EDDM3B: variants seen among roughly 807,000 people sequenced by gnomAD.
EDDM3B encodes the protein epididymal protein 3B.
For synonymous variants in EDDM3B, 71 were observed against 59.1 expected, an observed-to-expected ratio of 1.20 and a Z score of -0.92; for missense variants, 189 against 178.3, an observed-to-expected ratio of 1.06 and a Z score of -0.34.
chr14:20,770,699 G>GGAAAACATTGACAAA lies in EDDM3B; in HGVS notation c.*105_*106insGAAAACATTGACAAA. ...TACCACTCCCCTCTTGCATTTATTT[G>GGAAAACATTGACAAA]TCAATGTTTTCCAAATACTTAGAGT... is the stretch of plus-strand genomic sequence containing the variant. On this transcript the variant is annotated 3_prime_UTR_variant, in exon 2 of 2. Transcript: ENST00000326783. 2 of 910,026 alleles carry GGAAAACATTGACAAA rather than the reference G, an allele frequency of 2.2e-6. No individual in the cohort carries two copies. The highest frequency in any genetic ancestry group is 1.7e-6 in the Non-Finnish European group (1 of 601,552). The allele number at this position is 910,026 out of a possible 1,614,324, so 56.4% of individuals were successfully genotyped here. A position where few individuals can be genotyped will look rare whatever the true frequency, so the allele number is the denominator to read the frequency against.
rs1218355584 is a variant in EDDM3B, at chr14:20,770,473, A to G, written c.323A>G (p.Glu108Gly). 1 of 1,614,236 alleles carries G rather than the reference A, an allele frequency of 6.2e-7. No individual in the cohort carries two copies. Among genetic ancestry groups the G allele is most frequent in the South Asian group, 1.1e-5 (1 of 91,090 alleles). Residue 108 changes from glutamate to glycine, a missense_variant, in exon 2 of 2, where the codon GAG becomes GGG. Glu to Gly is a moderately conservative substitution (Grantham distance 98). Coordinates refer to ENST00000326783, the MANE Select transcript of EDDM3B (RefSeq NM_022360.5). Reference sequence around the variant, plus strand: ...CTCAAAGTACTCAAGTGTCACCAGGAGAATTCCAAAAATAGCTACACAGAG... The same window carrying G: ...CTCAAAGTACTCAAGTGTCACCAGGGGAATTCCAAAAATAGCTACACAGAG... The part of the protein sequence containing the change: ...NPLKVLKCHQ[E>G]NSKNSYTESR...
At position 20,770,914 on chromosome 14, in the gene EDDM3B, A is replaced by T; in HGVS notation, c.*320A>T. On this transcript the variant is annotated 3_prime_UTR_variant, in exon 2 of 2. Coordinates refer to ENST00000326783, the MANE Select transcript of EDDM3B (RefSeq NM_022360.5). Reference sequence around the variant, plus strand: ...TCTTGATACATACCCAAGCTGAACAATCTTCCCTTCCCTAAATAAATTATA... The same window carrying T: ...TCTTGATACATACCCAAGCTGAACATTCTTCCCTTCCCTAAATAAATTATA... 2 of 280,584 alleles carry T rather than the reference A, an allele frequency of 7.1e-6. No homozygotes were observed. Among genetic ancestry groups the T allele is most frequent in the Non-Finnish European group, 1.4e-5 (2 of 138,946 alleles). 17.4% of individuals were successfully genotyped at this position (280,584 alleles called of 1,614,324 possible).
In EDDM3B at chr14:20,769,674, G is replaced by A. The variant is rs58984932; in HGVS notation, c.-18-459G>A. Among the ~76,000 whole-genome samples, 1,181 of 152,274 alleles carry A rather than the reference G, an allele frequency of 7.8e-3. 13 individuals carry two copies. Among genetic ancestry groups the A allele is most frequent in the African/African-American group, 0.026 (1,084 of 41,556 alleles). On this transcript the variant is annotated intron_variant, in intron 1 of 1. Transcript: ENST00000326783. ...TAGGCTGTCATTTTAGCGAATCGAA[G>A]CCTTCCTACCTAGGAACCACTTCCC... is the stretch of plus-strand genomic sequence containing the variant.
Position 20,770,322 on chromosome 14 carries a change from G to T in EDDM3B, c.172G>T (p.Glu58Ter). 1 of 1,614,178 alleles carries T rather than the reference G, an allele frequency of 6.2e-7. No homozygotes were observed. Among genetic ancestry groups the T allele is most frequent in the Middle Eastern group, 1.6e-4 (1 of 6,062 alleles). ...ATGTGATGTCCTCATGAGAGAAAAT[G>T]AAGCTCTGAAAGACAAGAGCTCTCA... is the stretch of plus-strand genomic sequence containing the variant. ...YKCDVLMREN[E>*]ALKDKSSHMF... Residue 58 changes from glutamate to a stop codon, truncating the protein, a stop_gained, in exon 2 of 2, where the codon GAA becomes TAA. Coordinates refer to ENST00000326783, the MANE Select transcript of EDDM3B (RefSeq NM_022360.5). LOFTEE classifies it low-confidence loss of function (END_TRUNC).
At position 20,770,530 on chromosome 14, in the gene EDDM3B, G is replaced by A. The variant is rs1050024543; in HGVS notation, c.380G>A (p.Cys127Tyr). The A allele has an allele frequency of 5.6e-6, 9 of 1,614,080 alleles. No homozygotes were observed. Among genetic ancestry groups the A allele is most frequent in the Non-Finnish European group, 7.6e-6 (9 of 1,180,014 alleles). ...SRSFNYIEFH[C>Y]SMDGYVDSIE... The stretch of plus-strand genomic sequence containing the variant: ...AGCTTCAACTACATTGAATTCCATT[G>A]TAGCATGGACGGGTATGTTGATAGC... Residue 127 changes from cysteine (C) to tyrosine (Y), a missense_variant, in exon 2 of 2, where the codon TGT becomes TAT. Cys to Tyr is a radical substitution (Grantham distance 194). Transcript: ENST00000326783.
intron 1 of EDDM3B, among the ~76,000 whole-genome samples, chr14:20,769,533 G>A (rs189834297): frequency 1.3e-5 from 2 of 152,318 alleles, no homozygotes; most frequent in Non-Finnish European, 2.9e-5. Flanking sequence ...AGGAATATGG[G>A]TAGTTAGTAA....
In EDDM3B at chr14:20,770,260, A is replaced by G. The variant is rs888465810; in HGVS notation, c.110A>G (p.His37Arg). 6 of 1,614,232 alleles carry G rather than the reference A, an allele frequency of 3.7e-6. No individual in the cohort carries two copies. The African/African-American group carries it at 8.0e-5, about 22-fold the overall frequency. The change falls in exon 2 of 2, where the codon CAC becomes CGC. Residue 37 changes from histidine (H) to arginine (R), a missense_variant. Coordinates refer to ENST00000326783, the MANE Select transcript of EDDM3B (RefSeq NM_022360.5). ...TCTTGGAGAGAATTCATGAAACAGC[A>G]CTACTTAAGTCCAAGTCGAGAATTC... ...EVSWREFMKQHYLSPSREFRE... is the reference protein window; with the variant it reads ...EVSWREFMKQRYLSPSREFRE...
chr14:20,770,710 C>A lies in EDDM3B; in HGVS notation c.*116C>A. 2 of 828,986 alleles carry A rather than the reference C, an allele frequency of 2.4e-6. No individual in the cohort carries two copies. The highest frequency in any genetic ancestry group is 3.8e-6 in the Non-Finnish European group (2 of 531,008). The allele number at this position is 828,986 out of a possible 1,614,324, so 51.4% of individuals were successfully genotyped here. On this transcript the variant is annotated 3_prime_UTR_variant, in exon 2 of 2. Coordinates refer to ENST00000326783, the MANE Select transcript of EDDM3B (RefSeq NM_022360.5). ...TCTTGCATTTATTTGTCAATGTTTTCCAAATACTTAGAGTTATGAATAGCA... is the reference window on the plus strand; with the variant it reads ...TCTTGCATTTATTTGTCAATGTTTTACAAATACTTAGAGTTATGAATAGCA...
chr14:20,770,829 G>A lies in EDDM3B; in HGVS notation c.*235G>A, dbSNP rs1046250563. 9.9e-5 allele frequency: 47 copies of A among 473,458 alleles called. No homozygotes were observed. Among genetic ancestry groups the A allele is most frequent in the Middle Eastern group, 1.2e-3 (2 of 1,680 alleles). 29.3% of individuals were successfully genotyped at this position (473,458 alleles called of 1,614,324 possible). ...CCTAATTTACTCTTATACTTTTGTC[G>A]ACATTCAGCTCATATGGCATCTGTT... On this transcript the variant is annotated 3_prime_UTR_variant, in exon 2 of 2. Transcript: ENST00000326783.
Position 20,770,792 on chromosome 14 carries a change from T to C in EDDM3B, c.*198T>C. 1 of 557,560 alleles carries C rather than the reference T, an allele frequency of 1.8e-6. No individual in the cohort carries two copies. The highest frequency in any genetic ancestry group is 3.2e-6 in the Non-Finnish European group (1 of 310,772). 34.5% of individuals were successfully genotyped at this position (557,560 alleles called of 1,614,324 possible). A position where few individuals can be genotyped will look rare whatever the true frequency, so the allele number is the denominator to read the frequency against. The stretch of plus-strand genomic sequence containing the variant: ...TGTTTCTCTGCCTGGAATACACTTT[T>C]GTCTTCATTTACCTAATTTACTCTT... On this transcript the variant is annotated 3_prime_UTR_variant, in exon 2 of 2. Coordinates refer to ENST00000326783, the MANE Select transcript of EDDM3B (RefSeq NM_022360.5).
chr14:20,770,254 A>G lies in EDDM3B; in HGVS notation c.104A>G (p.Lys35Arg). 2 of 1,614,184 alleles carry G rather than the reference A, an allele frequency of 1.2e-6. No individual in the cohort carries two copies. The highest frequency in any genetic ancestry group is 8.5e-7 in the Non-Finnish European group (1 of 1,180,024). The change falls in exon 2 of 2, where the codon AAA becomes AGA. Residue 35 changes from lysine to arginine, a missense_variant. Coordinates refer to ENST00000326783, the MANE Select transcript of EDDM3B (RefSeq NM_022360.5). ...GAAGTTTCTTGGAGAGAATTCATGA[A>G]ACAGCACTACTTAAGTCCAAGTCGA... is the stretch of plus-strand genomic sequence containing the variant. ...SKEVSWREFMKQHYLSPSREF... is the reference protein window; with the variant it reads ...SKEVSWREFMRQHYLSPSREF...
At position 20,769,953 on chromosome 14, in the gene EDDM3B, G is replaced by A. The variant is rs58418541; in HGVS notation, c.-18-180G>A. Among the ~76,000 whole-genome samples the A allele has an allele frequency of 7.8e-3, 1,181 of 152,268 alleles. 10 individuals are homozygous for A. The highest frequency in any genetic ancestry group is 0.026 in the African/African-American group (1,074 of 41,538). ...GTGTTTCGCTTACACAGGCTGAAGC[G>A]TGTTTTTAGTTCTTAGAAACTCTAT... On this transcript the variant is annotated intron_variant, in intron 1 of 1. Coordinates refer to ENST00000326783, the MANE Select transcript of EDDM3B (RefSeq NM_022360.5).
chr14:20,768,950 G>C (rs759260352), intron 1 of EDDM3B, among the ~76,000 whole-genome samples: 26 of 152,164 alleles, frequency 1.7e-4, no homozygotes, highest in Admixed American at 1.6e-3. Flanking sequence ...ATTCAGTAAG[G>C]GCGGGAACAC....
Position 20,770,158 on chromosome 14 carries a change from C to T in EDDM3B, c.8C>T (p.Ser3Leu), listed in dbSNP as rs752114495. The T allele has an allele frequency of 5.0e-6, 8 of 1,605,066 alleles. No homozygotes were observed. The highest frequency in any genetic ancestry group is 6.8e-6 in the Non-Finnish European group (8 of 1,174,588). The change falls in exon 2 of 2, where the codon TCG becomes TTG. Residue 3 changes from serine (S) to leucine (L), a missense_variant. By Grantham distance (145) the Ser-to-Leu change is moderately radical (BLOSUM62 -2). Coordinates refer to ENST00000326783, the MANE Select transcript of EDDM3B (RefSeq NM_022360.5). ...GCGGCCCCGGTGACTGAGATGGCATCGTCTCTAAAGATCTGGGGCACACTC... is the reference window on the plus strand; with the variant it reads ...GCGGCCCCGGTGACTGAGATGGCATTGTCTCTAAAGATCTGGGGCACACTC... MA[S>L]SLKIWGTLLA...
chr14:20,770,088 A>G (rs1272264525), intron 1 of EDDM3B, 45 bp from the exon 2 acceptor site: 1 of 1,471,224 alleles, frequency 6.8e-7, no homozygotes, highest in Non-Finnish European at 9.2e-7. Flanking sequence ...CTCTCTGGGC[A>G]TTGTCTGGAT....
intron 1 of EDDM3B, among the ~76,000 whole-genome samples, chr14:20,768,774 C>T (rs1878246256): frequency 6.6e-6 from 1 of 152,156 alleles, no homozygotes; most frequent in Non-Finnish European, 1.5e-5. Flanking sequence ...CAGGGTTCCA[C>T]AGATAGGAAG....
chr14:20,769,212 A>T (rs1878262643), intron 1 of EDDM3B, among the ~76,000 whole-genome samples: 1 of 152,180 alleles, frequency 6.6e-6, no homozygotes, highest in African/African-American at 2.4e-5. Context: ...AGCCTGGCCA[A>T]CATGGCGAAA....
chr14:20,769,256 C>T (rs186985203), intron 1 of EDDM3B, among the ~76,000 whole-genome samples: 77 of 152,214 alleles, frequency 5.1e-4, no homozygotes, highest in Non-Finnish European at 9.7e-4. Context: ...CAAAAATTAG[C>T]TGTGTGTGGT....
At chr14:20,768,916 T>G (rs1158331541) in intron 1 of EDDM3B, among the ~76,000 whole-genome samples, 1 of 152,158 alleles carries the variant, frequency 6.6e-6, no homozygotes, top group African/African-American at 2.4e-5. Context: ...ACACCAATGC[T>G]CAGAGTTGTG....
Sources: gnomAD v4.1 joint callset for allele counts (sites outside exome capture counted in the v4.1 genomes callset) on GRCh38, gnomAD v4.1.1 for gene constraint, MANE v1.5 for transcripts, NCBI Gene and HGNC (gene_info 2026-07-23, HGNC 2026-07-21) for gene names.